The following ERC2 variants were observed in gnomAD, a reference collection of about 807,000 sequenced individuals.
The protein encoded by ERC2 is ELKS/RAB6-interacting/CAST family member 2, also known as ERC protein 2.
Under a neutral mutation model 114.8 loss-of-function variants are expected in ERC2, and 42 were observed. That is an observed-to-expected ratio of 0.37 (90% CI 0.29 to 0.47). The LOEUF is 0.47. ERC2 is among the 20% of genes least tolerant of loss of function. ERC2 has a pLI of 0.99. For missense variants in ERC2, 939 were observed against 1,150.7 expected, an observed-to-expected ratio of 0.82 and a Z score of 2.66; for synonymous variants, 454 against 425.5, an observed-to-expected ratio of 1.07 and a Z score of -0.82.
intron 6 of ERC2, among the ~76,000 whole-genome samples, chr3:56,083,790 A>G (rs999773320): frequency 5.9e-5 from 9 of 152,106 alleles, no homozygotes; most frequent in African/African-American, 2.2e-4. Context: ...TTCACCCTCC[A>G]TAGCAGGAAG....
At chr3:56,167,018 A>G (rs1344893946) in intron 4 of ERC2, among the ~76,000 whole-genome samples, 1 of 152,120 alleles carries the variant, frequency 6.6e-6, no homozygotes, top group Non-Finnish European at 1.5e-5. Flanking sequence ...GCTCTGCCAA[A>G]GACACTCCTT....
intron 15 of ERC2, among the ~76,000 whole-genome samples, chr3:55,713,131 T>TCACACACACACA (rs10656961): frequency 7.2e-4 from 100 of 139,418 alleles, no homozygotes; most frequent in African/African-American, 9.2e-4. Flanking sequence ...TCTCTCTGTC[T>TCACACACACACA]CACACACACA....
At chr3:55,916,055 T>C (rs1035759942) in intron 13 of ERC2, among the ~76,000 whole-genome samples, 17 of 152,172 alleles carry the variant, frequency 1.1e-4, no homozygotes, top group African/African-American at 3.6e-4. Context: ...TCCTAGAGCA[T>C]GAACTCTGCT....
At chr3:56,324,418 G>C (rs111747798) in intron 2 of ERC2, among the ~76,000 whole-genome samples, 68 of 152,268 alleles carry the variant, frequency 4.5e-4, no homozygotes, top group African/African-American at 1.6e-3. Flanking sequence ...AGTAAAAAAT[G>C]CATCTAATAC....
intron 2 of ERC2, among the ~76,000 whole-genome samples, chr3:56,343,192 T>TCTCTCTCTCTCTCACA (rs1376220124): frequency 7.9e-6 from 1 of 126,130 alleles, no homozygotes; most frequent in African/African-American, 3.0e-5. Context: ...TCTCTCTCTC[T>TCTCTCTCTCTCTCACA]CACACACACA....
rs182989783 is a variant in ERC2 at position 56,423,969 on chromosome 3, A to G, written c.657+10382T>C. 4.9e-3 allele frequency among the ~76,000 whole-genome samples: 743 copies of G among 152,296 alleles called. 1 individual carries two copies. The highest frequency in any genetic ancestry group is 7.7e-3 in the Non-Finnish European group (523 of 68,008). On this transcript the variant is annotated intron_variant, in intron 2 of 17. Coordinates refer to ENST00000288221, the MANE Select transcript of ERC2 (RefSeq NM_015576.3). ...TGTCAATGGACTCCGAAACAACAACACAAGAGCTCCACCTGCAACTAATTA... is the reference window on the plus strand; with the variant it reads ...TGTCAATGGACTCCGAAACAACAACGCAAGAGCTCCACCTGCAACTAATTA...
At chr3:55,969,850 G>T (rs1164497979) in intron 12 of ERC2, among the ~76,000 whole-genome samples, 24 of 152,154 alleles carry the variant, frequency 1.6e-4, no homozygotes, top group Admixed American at 1.6e-3. Context: ...GCTCTCTGGA[G>T]AGGCTTTTTA....
At chr3:56,311,528 T>C (rs1420953689) in intron 2 of ERC2, among the ~76,000 whole-genome samples, 1 of 151,712 alleles carries the variant, frequency 6.6e-6, no homozygotes, top group Non-Finnish European at 1.5e-5. Flanking sequence ...CTCAATCTCC[T>C]GACCTCGTGA....
intron 2 of ERC2, among the ~76,000 whole-genome samples, chr3:56,419,272 G>C (rs766372417): frequency 1.3e-5 from 2 of 152,178 alleles, no homozygotes; most frequent in African/African-American, 2.4e-5. Context: ...TGCATTTGTA[G>C]TATGAGATTT....
At chr3:56,224,957 T>C (rs376461253) in intron 3 of ERC2, among the ~76,000 whole-genome samples, 2 of 152,280 alleles carry the variant, frequency 1.3e-5, no homozygotes, top group East Asian at 1.9e-4. Context: ...AACTCTTTTC[T>C]TGGCCTCTGA....
intron 16 of ERC2, among the ~76,000 whole-genome samples, chr3:55,686,559 C>T (rs564440050): frequency 2.8e-4 from 42 of 152,328 alleles, no homozygotes; most frequent in African/African-American, 1.0e-3. Flanking sequence ...GCTGCGCTGC[C>T]TGCATCTCTG....
chr3:56,384,128 T>A (rs34046219), intron 2 of ERC2, among the ~76,000 whole-genome samples: 35,204 of 152,138 alleles, frequency 0.23, 4,652 homozygotes, highest in Non-Finnish European at 0.29. Context: ...ATTGCTTCTA[T>A]CTTTTGGCCA....
intron 12 of ERC2, among the ~76,000 whole-genome samples, chr3:55,985,321 A>C (rs1388369914): frequency 6.6e-6 from 1 of 152,218 alleles, no homozygotes; most frequent in Non-Finnish European, 1.5e-5. Flanking sequence ...GTCAACAATG[A>C]ATCAGGTCTT....
At chr3:56,065,316 G>A (rs575234294) in intron 7 of ERC2, among the ~76,000 whole-genome samples, 19 of 151,746 alleles carry the variant, frequency 1.3e-4, no homozygotes, top group Middle Eastern at 3.4e-3. Flanking sequence ...TCAACCTCCC[G>A]GACTCAAGCA....
chr3:56,250,648 A>G (rs1201852847), intron 3 of ERC2, among the ~76,000 whole-genome samples: 3 of 152,190 alleles, frequency 2.0e-5, no homozygotes, highest in African/African-American at 7.2e-5. Context: ...GCACTTCAGG[A>G]AGCCCCCTCA....
chr3:55,543,924 A>C (rs2107359886), intron 17 of ERC2, among the ~76,000 whole-genome samples: 1 of 152,290 alleles, frequency 6.6e-6, no homozygotes, highest in African/African-American at 2.4e-5. Flanking sequence ...CAGATTCTCA[A>C]GAACAAGAAC....
chr3:56,460,583 T>C (rs1210054835), intron 1 of ERC2, among the ~76,000 whole-genome samples: 1 of 152,166 alleles, frequency 6.6e-6, no homozygotes, highest in East Asian at 1.9e-4. Flanking sequence ...GCCTACCACA[T>C]AGTAAATGCT....
chr3:56,032,353 A>G (rs1191099379), intron 7 of ERC2, among the ~76,000 whole-genome samples: 4 of 152,356 alleles, frequency 2.6e-5, no homozygotes, highest in Admixed American at 6.5e-5. Flanking sequence ...CTTGGAAAGT[A>G]CCAACTCAAA....
At chr3:55,966,873 T>G (rs1166737970) in intron 12 of ERC2, among the ~76,000 whole-genome samples, 2 of 152,128 alleles carry the variant, frequency 1.3e-5, no homozygotes, top group Non-Finnish European at 2.9e-5. Flanking sequence ...CACAGAAAAC[T>G]CAGTAAATAC....
Sources: allele counts gnomAD v4.1 joint callset (sites outside exome capture counted in the v4.1 genomes callset), GRCh38; gene constraint gnomAD v4.1.1; transcripts MANE v1.5; gene names NCBI Gene and HGNC (gene_info 2026-07-23, HGNC 2026-07-21).